BMPR1A: variants seen among roughly 807,000 people sequenced by gnomAD.
BMPR1A encodes bone morphogenetic protein receptor type 1A.
A neutral mutation model predicts 66.0 loss-of-function variants in BMPR1A; 7 were observed. That is an observed-to-expected ratio of 0.11 (90% CI 0.06 to 0.20). The LOEUF (loss-of-function observed/expected upper bound fraction) is 0.20, where lower values mean the gene tolerates loss of function less well. Ranked by LOEUF, BMPR1A falls within the 10% of genes least tolerant of loss-of-function variation. The probability of loss-of-function intolerance (pLI) is 1.00; values close to 1 mark genes in which losing one functional copy is unlikely to be tolerated. For missense variants in BMPR1A, 408 were observed against 669.1 expected (o/e 0.61, Z 4.31); for synonymous variants, 200 against 229.7 (o/e 0.87, Z 1.17).
chr10:86,759,476 C>T (rs1840994163), intron 1 of BMPR1A, among the ~76,000 whole-genome samples: 1 of 152,134 alleles, frequency 6.6e-6, no homozygotes, highest in Non-Finnish European at 1.5e-5. Flanking sequence ...TTGTTCTGAG[C>T]TGCTTTTCCT....
At chr10:86,805,514 T>G (rs1198540512) in intron 1 of BMPR1A, among the ~76,000 whole-genome samples, 7 of 147,040 alleles carry the variant, frequency 4.8e-5, no homozygotes, top group Admixed American at 1.4e-4. Context: ...CAGCCTGGAG[T>G]GCAGTGGCAG....
At chr10:86,790,187 AAATATATATATATATATAT>A (rs1255681926) in intron 1 of BMPR1A, among the ~76,000 whole-genome samples, 509 of 28,486 alleles carry the variant, frequency 0.018, 86 homozygotes, top group African/African-American at 0.023. Flanking sequence ...AAAAAAAAAA[AAATATATATATATATATAT>A]ATATATATAT....
At chr10:86,789,577 A>G (rs1841570228) in intron 1 of BMPR1A, among the ~76,000 whole-genome samples, 1 of 151,894 alleles carries the variant, frequency 6.6e-6, no homozygotes, top group Non-Finnish European at 1.5e-5. Flanking sequence ...GCTGGGTGTG[A>G]TGGTGGGCAC....
At chr10:86,783,306 T>C (rs1204037291) in intron 1 of BMPR1A, among the ~76,000 whole-genome samples, 4 of 152,238 alleles carry the variant, frequency 2.6e-5, no homozygotes, top group African/African-American at 9.6e-5. Flanking sequence ...TTGTTCTTAA[T>C]CAAGGTTGTT....
chr10:86,799,456 T>TCC (rs1163551431), intron 1 of BMPR1A, among the ~76,000 whole-genome samples: 26 of 148,146 alleles, frequency 1.8e-4, no homozygotes, highest in African/African-American at 5.3e-4. Context: ...TACATTTTCT[T>TCC]TCTTCCTTCC....
At chr10:86,769,399 G>A (rs187108648) in intron 1 of BMPR1A, among the ~76,000 whole-genome samples, 44 of 152,312 alleles carry the variant, frequency 2.9e-4, no homozygotes, top group Admixed American at 3.9e-4. Context: ...GCGCTTCAGC[G>A]TGGACAACAT....
At chr10:86,898,577 G>A (rs1245904250) in intron 5 of BMPR1A, among the ~76,000 whole-genome samples, 4 of 152,200 alleles carry the variant, frequency 2.6e-5, no homozygotes, top group Admixed American at 2.6e-4. Context: ...AAACAAGACA[G>A]GAGTTGAAGA....
At chr10:86,770,389 G>GA in intron 1 of BMPR1A, among the ~76,000 whole-genome samples, 1 of 96,768 alleles carries the variant, frequency 1.0e-5, no homozygotes, top group Admixed American at 8.6e-5. Flanking sequence ...TTCAGTCTGC[G>GA]AGAGAGAGAC....
intron 1 of BMPR1A, among the ~76,000 whole-genome samples, chr10:86,803,003 T>C (rs1407611567): frequency 4.4e-5 from 2 of 45,722 alleles, no homozygotes; most frequent in Non-Finnish European, 7.3e-5. Context: ...AGACCCGGTC[T>C]CAAAAAAAAA....
intron 1 of BMPR1A, among the ~76,000 whole-genome samples, chr10:86,772,494 G>A (rs1226929397): frequency 1.3e-5 from 2 of 152,038 alleles, no homozygotes; most frequent in African/African-American, 2.4e-5. Flanking sequence ...ACCTTGGGTA[G>A]GTGCTTGCAT....
intron 1 of BMPR1A, among the ~76,000 whole-genome samples, chr10:86,824,973 AT>A (rs1842172437): frequency 6.6e-6 from 1 of 152,220 alleles, no homozygotes; most frequent in Non-Finnish European, 1.5e-5. Flanking sequence ...TCATTAGGAA[AT>A]AAATCTATTT....
At chr10:86,850,147 C>T (rs995959662) in intron 2 of BMPR1A, among the ~76,000 whole-genome samples, 6 of 151,938 alleles carry the variant, frequency 3.9e-5, no homozygotes, top group Admixed American at 2.6e-4. Context: ...ATGGTGAAAC[C>T]CCATCTCTAC....
intron 1 of BMPR1A, among the ~76,000 whole-genome samples, chr10:86,804,370 G>A (rs1841855823): frequency 6.6e-6 from 1 of 152,090 alleles, no homozygotes; most frequent in Non-Finnish European, 1.5e-5. Context: ...CTCCCTGGTA[G>A]CTGGGACTAC....
chr10:86,802,762 T>C (rs1035973708), intron 1 of BMPR1A, among the ~76,000 whole-genome samples: 1 of 151,880 alleles, frequency 6.6e-6, no homozygotes, highest in African/African-American at 2.4e-5. Context: ...GAATTTTAGA[T>C]AATTTCTTTC....
intron 1 of BMPR1A, among the ~76,000 whole-genome samples, chr10:86,771,864 C>T (rs939995842): frequency 1.3e-5 from 2 of 152,062 alleles, no homozygotes; most frequent in East Asian, 3.9e-4. Context: ...TGGGCTCAAG[C>T]TTAGATCCTC....
chr10:86,819,009 T>C (rs1369621869), intron 1 of BMPR1A, among the ~76,000 whole-genome samples: 1 of 152,168 alleles, frequency 6.6e-6, no homozygotes, highest in Non-Finnish European at 1.5e-5. Context: ...CCGAATTGTT[T>C]TGGGGATGAA....
chr10:86,915,500 A>AG (rs1843554038), intron 8 of BMPR1A, among the ~76,000 whole-genome samples: 1 of 152,128 alleles, frequency 6.6e-6, no homozygotes, highest in African/African-American at 2.4e-5. Flanking sequence ...AGGCTGAGGC[A>AG]GGCAGATCAC....
chr10:86,826,333 A>G (rs895215788), intron 1 of BMPR1A, among the ~76,000 whole-genome samples: 3 of 152,050 alleles, frequency 2.0e-5, no homozygotes, highest in African/African-American at 7.2e-5. Context: ...TTTTTGATCC[A>G]GAAACCAAGG....
chr10:86,866,401 T>TTTTTTTTTTTC (rs1842786613), intron 2 of BMPR1A, among the ~76,000 whole-genome samples: 2 of 81,464 alleles, frequency 2.5e-5, no homozygotes, highest in East Asian at 3.9e-4. Context: ...GTTTCTTTCT[T>TTTTTTTTTTTC]TTTTTTTTTT....
Sources: allele counts gnomAD v4.1 joint callset (sites outside exome capture counted in the v4.1 genomes callset), GRCh38; gene constraint gnomAD v4.1.1; transcripts MANE v1.5; gene names NCBI Gene and HGNC (gene_info 2026-07-23, HGNC 2026-07-21).